MYO9B: variants seen among roughly 807,000 people sequenced by gnomAD.
The protein encoded by MYO9B is myosin IXB.
MYO9B carries 71 observed loss-of-function variants against 229.5 expected under a neutral mutation model. The ratio of observed to expected loss-of-function variants is 0.31; its 90% CI spans 0.26 to 0.38. The LOEUF (loss-of-function observed/expected upper bound fraction) is 0.38, where lower values mean the gene tolerates loss of function less well. MYO9B is among the 10% of genes least tolerant of loss of function. The probability of loss-of-function intolerance (pLI) is 1.00; values close to 1 mark genes in which losing one functional copy is unlikely to be tolerated. For synonymous variants in MYO9B, 1,185 were observed against 1,235.8 expected (o/e 0.96, Z 0.86); for missense variants, 2,255 against 2,920.5 (o/e 0.77, Z 5.25).
rs1274655138 is a variant in MYO9B, at chr19:17,191,357, A to G, written c.2811+138A>G. 5.0e-6 allele frequency: 6 copies of G among 1,189,536 alleles called. No homozygotes were observed. In the African/African-American group the frequency reaches 9.4e-5, roughly 19 times the overall value. The allele number at this position is 1,189,536 out of a possible 1,614,324, so 73.7% of individuals were successfully genotyped here. On this transcript the variant is annotated intron_variant, in intron 20 of 39. Transcript: ENST00000682292. The stretch of plus-strand genomic sequence containing the variant: ...GGAAATGCATTTCTCGGGACCCAGC[A>G]GAGCACTGCACCTAAGGGATAGGGG...
intron 2 of MYO9B, among the ~76,000 whole-genome samples, chr19:17,128,366 G>A (rs946997921): frequency 6.6e-6 from 1 of 152,152 alleles, no homozygotes; most frequent in Non-Finnish European, 1.5e-5. Context: ...ACTCTAGCCT[G>A]GGTGACAAAG....
At chr19:17,153,815 T>G (rs902786469) in intron 4 of MYO9B, among the ~76,000 whole-genome samples, 152 bp from the exon 5 acceptor site, 3 of 152,340 alleles carry the variant, frequency 2.0e-5, no homozygotes, top group South Asian at 4.1e-4. Context: ...TGTTTTGTTT[T>G]GTTTTTTTAA....
chr19:17,090,521 G>A (rs1017638146), intron 1 of MYO9B, among the ~76,000 whole-genome samples: 8 of 152,132 alleles, frequency 5.3e-5, no homozygotes, highest in Admixed American at 2.0e-4. Flanking sequence ...CCATTTATCC[G>A]TTGACAGGCA....
chr19:17,076,256 G>T (rs1050511367), intron 1 of MYO9B, among the ~76,000 whole-genome samples: 1 of 152,036 alleles, frequency 6.6e-6, no homozygotes, highest in Non-Finnish European at 1.5e-5. Flanking sequence ...GGGCGGGACA[G>T]CCGGGGTGCG....
chr19:17,112,251 G>A (rs901197092), intron 2 of MYO9B, among the ~76,000 whole-genome samples: 6 of 152,168 alleles, frequency 3.9e-5, no homozygotes, highest in African/African-American at 1.2e-4. Context: ...TGCTTCGGGC[G>A]TGCTAATGGC....
chr19:17,088,602 T>G (rs1307312663), intron 1 of MYO9B, among the ~76,000 whole-genome samples: 7 of 152,168 alleles, frequency 4.6e-5, no homozygotes, highest in South Asian at 2.1e-4. Flanking sequence ...TCCTGTGATG[T>G]CCTGTACCAG....
At chr19:17,183,649 G>A in intron 15 of MYO9B, 180 bp from the exon 16 acceptor site, 1 of 590,660 alleles carries the variant, frequency 1.7e-6, no homozygotes, top group Non-Finnish European at 3.0e-6. Context: ...CAGTGGCTGA[G>A]GCACGCCACG....
chr19:17,192,366 G>A (rs746310364), intron 20 of MYO9B, among the ~76,000 whole-genome samples: 13 of 151,696 alleles, frequency 8.6e-5, no homozygotes, highest in Non-Finnish European at 1.5e-4. Context: ...AGGCCAAGGC[G>A]GGCAGATCAC....
intron 2 of MYO9B, among the ~76,000 whole-genome samples, chr19:17,140,966 C>T (rs2072331884): frequency 6.6e-6 from 1 of 151,540 alleles, no homozygotes; most frequent in Admixed American, 6.6e-5. Flanking sequence ...TAGCCGAGCG[C>T]AGTGGCACAC....
chr19:17,202,162 G>A lies in MYO9B; in HGVS notation c.4695G>A (p.Leu1565=), dbSNP rs924578136. ...NGKIHVGYKD[L]MENYQIVVSN... ...AGATCCACGTGGGCTACAAGGATCT[G>A]ATGGAGAACTACCAGATCGTCGTCA... is the stretch of plus-strand genomic sequence containing the variant. Residue 1565 remains leucine (L), a synonymous_variant, in exon 28 of 40, where the codon CTG becomes CTA. Coordinates refer to ENST00000682292, the MANE Select transcript of MYO9B (RefSeq NM_004145.4). 9 of 1,613,728 alleles carry A rather than the reference G, an allele frequency of 5.6e-6. No individual in the cohort carries two copies. Among genetic ancestry groups the A allele is most frequent in the Non-Finnish European group, 7.6e-6 (9 of 1,179,838 alleles).
intron 35 of MYO9B, chr19:17,207,628 C>T (rs192394557): frequency 2.0e-5 from 3 of 152,128 alleles, no homozygotes; most frequent in Non-Finnish European, 4.4e-5. Context: ...GTAATCCCAG[C>T]ACTTTGGGAG....
At chr19:17,136,714 A>C (rs759270504) in intron 2 of MYO9B, among the ~76,000 whole-genome samples, 2 of 152,054 alleles carry the variant, frequency 1.3e-5, no homozygotes, top group South Asian at 2.1e-4. Context: ...AGGAAAGTCA[A>C]CTTCACCAGC....
rs577978441 is a variant in MYO9B, at chr19:17,185,069, C to T, written c.2496+82C>T. 52 of 1,588,702 alleles carry T rather than the reference C, an allele frequency of 3.3e-5. No individual in the cohort carries two copies. The Admixed American group carries it at 3.8e-4, about 12-fold the overall frequency. ...GCTTCACCCGACACCGAGCACAGCC[C>T]GTCTCTAGTAAAAATACAAAAATTG... is the stretch of plus-strand genomic sequence containing the variant. On this transcript the variant is annotated intron_variant, in intron 17 of 39. Coordinates refer to ENST00000682292, the MANE Select transcript of MYO9B (RefSeq NM_004145.4).
At chr19:17,096,207 A>T (rs2123502956) in intron 1 of MYO9B, among the ~76,000 whole-genome samples, 1 of 152,178 alleles carries the variant, frequency 6.6e-6, no homozygotes, top group Non-Finnish European at 1.5e-5. Context: ...CAGTGTGTTC[A>T]TTCGGTGGGT....
chr19:17,182,985 G>C (rs560556798), intron 15 of MYO9B, among the ~76,000 whole-genome samples: 1 of 151,558 alleles, frequency 6.6e-6, no homozygotes, highest in Non-Finnish European at 1.5e-5. Flanking sequence ...GCAGTGGCAC[G>C]ATCTCGGCTC....
Position 17,212,108 on chromosome 19 carries a change from C to A in MYO9B, c.6272C>A (p.Ala2091Asp), listed in dbSNP as rs1184399740. ...PRWAPGAREA[A>D]APVRRREPPA... The stretch of plus-strand genomic sequence containing the variant: ...TGGGCACCGGGTGCCCGGGAGGCGG[C>A]TGCCCCAGTGCGGCGCCGGGAGCCA... Residue 2091 changes from alanine (A) to aspartate (D), a missense_variant, in exon 40 of 40, where the codon GCT becomes GAT. Ala to Asp is a moderately radical substitution (Grantham distance 126). Around this residue, in one of 7 missense-constraint regions of MYO9B, gnomAD observed 331 missense variants for 332.5 expected, o/e 1.00. Transcript: ENST00000682292. This position sits in a 1 kb window ranked among gnomAD's most constrained non-coding sequence, Gnocchi z 5.4. 4.4e-6 allele frequency: 7 copies of A among 1,589,926 alleles called. No homozygotes were observed. Among genetic ancestry groups the A allele is most frequent in the Non-Finnish European group, 6.0e-6 (7 of 1,170,540 alleles).
intron 14 of MYO9B, among the ~76,000 whole-genome samples, chr19:17,179,585 C>T (rs2072832789): frequency 6.6e-6 from 1 of 151,672 alleles, no homozygotes; most frequent in Non-Finnish European, 1.5e-5. Flanking sequence ...CGCCACCATG[C>T]CCAGCTAATT....
chr19:17,135,578 A>T (rs945367999), intron 2 of MYO9B, among the ~76,000 whole-genome samples: 1 of 152,192 alleles, frequency 6.6e-6, no homozygotes, highest in East Asian at 1.9e-4. Context: ...CCTCGGATGT[A>T]TAATAGCACC....
chr19:17,171,341 C>G (rs376920274), intron 11 of MYO9B, among the ~76,000 whole-genome samples: 2 of 152,096 alleles, frequency 1.3e-5, no homozygotes, highest in African/African-American at 4.8e-5. Context: ...CAATCTCCCC[C>G]TCCCCGGAGC....
Sources: gnomAD v4.1 joint callset for allele counts (sites outside exome capture counted in the v4.1 genomes callset) on GRCh38, gnomAD v4.1.1 for gene constraint, gnomAD v4.1.1 regional missense constraint, Gnocchi (gnomAD v3.1) non-coding constraint, MANE v1.5 for transcripts, NCBI Gene and HGNC (gene_info 2026-07-23, HGNC 2026-07-21) for gene names.